IFNG-AS1: variants seen among roughly 807,000 people sequenced by gnomAD.
IFNG-AS1 encodes IFNG antisense RNA 1 (non-protein coding).
chr12:68,012,189 T>C (rs1231634957), intron 3 of IFNG-AS1, among the ~76,000 whole-genome samples: 1 of 152,204 alleles, frequency 6.6e-6, no homozygotes, highest in African/African-American at 2.4e-5. Context: ...TTTTAATTGG[T>C]TTTACTCTTC....
At chr12:67,996,956 A>G (rs970557720) in intron 2 of IFNG-AS1, among the ~76,000 whole-genome samples, 15 of 152,198 alleles carry the variant, frequency 9.9e-5, no homozygotes, top group Non-Finnish European at 1.2e-4. Flanking sequence ...GGCATTAACT[A>G]AAACAATAAG....
intron 2 of IFNG-AS1, among the ~76,000 whole-genome samples, chr12:67,998,378 G>GA: frequency 6.7e-6 from 1 of 148,388 alleles, no homozygotes; most frequent in African/African-American, 2.5e-5. Flanking sequence ...AAGTGAAAAA[G>GA]AAAAAAGACA....
chr12:68,001,309 A>G (rs1372993427), intron 2 of IFNG-AS1: 1 of 161,404 alleles, frequency 6.2e-6, no homozygotes. Flanking sequence ...CAGTACAGAT[A>G]GTGGCAACGT....
rs530422946 is a variant in IFNG-AS1, at chr12:68,003,424, C to CTT, written n.185-2666_185-2665insTT. Reference sequence around the variant, plus strand: ...TTCATAGAAGCTAATCATATTCCCCCCTTTTTTTTTTTTTTTGCATTGAGC... The same window carrying CTT: ...TTCATAGAAGCTAATCATATTCCCCCTTCTTTTTTTTTTTTTTTGCATTGAGC... On this transcript the variant is annotated intron_variant and non_coding_transcript_variant, in intron 2 of 5. Coordinates refer to ENST00000536914, the Ensembl canonical transcript of IFNG-AS1. 1.5e-3 allele frequency among the ~76,000 whole-genome samples: 201 copies of CTT among 136,512 alleles called. 4 individuals are homozygous for CTT. The highest frequency in any genetic ancestry group is 4.9e-3 in the South Asian group (21 of 4,286). The allele number at this position is 136,512 out of a possible 152,430, so 89.6% of individuals were successfully genotyped here.
intron 3 of IFNG-AS1, among the ~76,000 whole-genome samples, chr12:68,008,168 G>C (rs1434772770): frequency 6.6e-5 from 10 of 152,170 alleles, no homozygotes. Flanking sequence ...TGTAATCCCA[G>C]CACTTTGAGA....
At chr12:67,989,571 A>G (rs930120656) in exon 1 of IFNG-AS1, 5 of 152,238 alleles carry the variant, frequency 3.3e-5, no homozygotes, top group Non-Finnish European at 7.3e-5. Context: ...ACGAACTAGC[A>G]CAACGAGGGT....
chr12:67,993,656 A>C (rs1436868688), intron 1 of IFNG-AS1, among the ~76,000 whole-genome samples: 1 of 152,216 alleles, frequency 6.6e-6, no homozygotes, highest in East Asian at 1.9e-4. Context: ...TACCATGAAC[A>C]TATATTATTT....
chr12:68,008,415 C>CA, intron 3 of IFNG-AS1, among the ~76,000 whole-genome samples: 1 of 145,136 alleles, frequency 6.9e-6, no homozygotes, highest in South Asian at 2.2e-4. Context: ...GACACCATCT[C>CA]AAAAAAAAAA....
At position 67,989,806 on chromosome 12, in the gene IFNG-AS1, G is replaced by T. The variant is rs951549499; in HGVS notation, n.51+227G>T. Among the ~76,000 whole-genome samples the T allele has an allele frequency of 4.6e-5, 7 of 152,236 alleles. No individual in the cohort carries two copies. In the South Asian group the frequency reaches 1.2e-3, roughly 27 times the overall value. ...GGAATGTCTCCACTGAGCTCAGGGGGATGAATTCCTCTGAGACTTCTTCTA... is the reference window on the plus strand; with the variant it reads ...GGAATGTCTCCACTGAGCTCAGGGGTATGAATTCCTCTGAGACTTCTTCTA... On this transcript the variant is annotated intron_variant and non_coding_transcript_variant, in intron 1 of 5. Transcript: ENST00000536914.
chr12:68,011,864 AT>A lies in IFNG-AS1; in HGVS notation n.241+5720del. Among the ~76,000 whole-genome samples the A allele has an allele frequency of 1.3e-5, 2 of 152,268 alleles. 1 individual carries two copies. Among genetic ancestry groups the A allele is most frequent in the South Asian group, 4.1e-4 (2 of 4,822 alleles). On this transcript the variant is annotated intron_variant and non_coding_transcript_variant, in intron 3 of 5. Transcript: ENST00000536914. ...CAAGAGGCACTTCTAATAGGGAAAG[AT>A]TAGAGAGAATAGAGAAGCTTCTCCA...
At chr12:68,016,377 A>G (rs1487650068) in intron 3 of IFNG-AS1, among the ~76,000 whole-genome samples, 1 of 152,174 alleles carries the variant, frequency 6.6e-6, no homozygotes, top group East Asian at 1.9e-4. Context: ...TAGTGGTTTT[A>G]ATAAGTCACC....
chr12:68,001,318 G>C (rs779401554), intron 2 of IFNG-AS1: 13 of 165,738 alleles, frequency 7.8e-5, no homozygotes, highest in Non-Finnish European at 1.6e-4. Flanking sequence ...TAGTGGCAAC[G>C]TTTCCAAGTT....
intron 3 of IFNG-AS1, among the ~76,000 whole-genome samples, chr12:68,014,585 A>G: frequency 6.6e-6 from 1 of 152,172 alleles, no homozygotes; most frequent in East Asian, 1.9e-4. Flanking sequence ...GGCCATTTGT[A>G]TATCTTCTTT....
At chr12:67,994,451 T>C (rs1050496167) in intron 1 of IFNG-AS1, among the ~76,000 whole-genome samples, 4 of 152,236 alleles carry the variant, frequency 2.6e-5, no homozygotes, top group Non-Finnish European at 5.9e-5. Flanking sequence ...ACATCTATTA[T>C]AATCACAATC....
intron 3 of IFNG-AS1, among the ~76,000 whole-genome samples, chr12:68,019,319 C>A (rs933078675): frequency 6.6e-6 from 1 of 152,120 alleles, no homozygotes; most frequent in Non-Finnish European, 1.5e-5. Context: ...TCGCATGTAT[C>A]AACTTATTGA....
chr12:67,993,017 T>C (rs1879551707), intron 1 of IFNG-AS1, among the ~76,000 whole-genome samples: 1 of 152,180 alleles, frequency 6.6e-6, no homozygotes, highest in South Asian at 2.1e-4. Context: ...TAGCCGAAAA[T>C]CTGAGAAATA....
At chr12:67,999,758 AAT>A (rs2120430461) in intron 2 of IFNG-AS1, among the ~76,000 whole-genome samples, 1 of 152,314 alleles carries the variant, frequency 6.6e-6, no homozygotes, top group Non-Finnish European at 1.5e-5. Context: ...TGAGTGGGGC[AAT>A]ATATAAGAAA....
At chr12:67,997,430 G>A (rs1879666733) in intron 2 of IFNG-AS1, among the ~76,000 whole-genome samples, 1 of 151,878 alleles carries the variant, frequency 6.6e-6, no homozygotes, top group East Asian at 1.9e-4. Flanking sequence ...TGGGACAACT[G>A]GATAGGTATT....
intron 1 of IFNG-AS1, among the ~76,000 whole-genome samples, chr12:67,993,324 G>A (rs373189099): frequency 1.6e-4 from 24 of 152,128 alleles, no homozygotes; most frequent in African/African-American, 5.3e-4. Flanking sequence ...CTCAGTGAAA[G>A]CATCAAAATA....
Sources: allele counts gnomAD v4.1 joint callset (sites outside exome capture counted in the v4.1 genomes callset), GRCh38; gene constraint gnomAD v4.1.1; transcripts MANE v1.5; gene names NCBI Gene and HGNC (gene_info 2026-07-23, HGNC 2026-07-21).